KCNJ16: variants seen among roughly 807,000 people sequenced by gnomAD.
The protein encoded by KCNJ16 is potassium inwardly rectifying channel subfamily J member 16.
Under a neutral mutation model 18.5 loss-of-function variants are expected in KCNJ16, and 15 were observed. The ratio of observed to expected loss-of-function variants is 0.81; its 90% confidence interval spans 0.54 to 1.25. The LOEUF (loss-of-function observed/expected upper bound fraction) is 1.25, where lower values mean the gene tolerates loss of function less well. KCNJ16 is among the 50% of genes most tolerant of loss of function. The probability of loss-of-function intolerance (pLI) is 0.00; values close to 1 mark genes in which losing one functional copy is unlikely to be tolerated. For synonymous variants in KCNJ16, 174 were observed against 186.5 expected (o/e 0.93, Z 0.55); for missense variants, 523 against 525.7 (o/e 0.99, Z 0.05).
At chr17:70,111,270 A>G (rs2073173413) in intron 2 of KCNJ16, among the ~76,000 whole-genome samples, 1 of 152,164 alleles carries the variant, frequency 6.6e-6, no homozygotes, top group South Asian at 2.1e-4. Context: ...GCAAAACACA[A>G]AAGATATAAT....
rs2074103967 is a variant in KCNJ16, at chr17:70,132,737, G to C, written c.650G>C (p.Arg217Thr). ...AACCACGTGGTAGAAGGAACAGTTA[G>C]AGCCCAACTTCTCCGCTATACAGAA... ...RPNHVVEGTV[R>T]AQLLRYTEDS... The change falls in exon 4 of 4, where the codon AGA becomes ACA. Residue 217 changes from arginine to threonine, a missense_variant. Transcript: ENST00000392671. 2 of 1,613,920 alleles carry C rather than the reference G, an allele frequency of 1.2e-6. No homozygotes were observed. The highest frequency in any genetic ancestry group is 1.3e-5 in the African/African-American group (1 of 74,914).
chr17:70,112,854 G>T (rs1232456233), intron 2 of KCNJ16, among the ~76,000 whole-genome samples: 1 of 152,038 alleles, frequency 6.6e-6, no homozygotes, highest in African/African-American at 2.4e-5. Context: ...ACACATTCTT[G>T]GCTAAGAAAT....
chr17:70,132,897 A>G lies in KCNJ16; in HGVS notation c.810A>G (p.Ala270=). The change falls in exon 4 of 4, where the codon GCA becomes GCG. Residue 270 remains alanine (A), a synonymous_variant. Transcript: ENST00000392671. Reference sequence around the variant, plus strand: ...CTCTGTATGCCCTTGACCGCAAAGCAGTAGCCAAAGATAACTTTGAGATTT... The same window carrying G: ...CTCTGTATGCCCTTGACCGCAAAGCGGTAGCCAAAGATAACTTTGAGATTT... ...ESPLYALDRK[A]VAKDNFEILV... The G allele has an allele frequency of 6.2e-7, 1 of 1,614,224 alleles. No homozygotes were observed. The highest frequency in any genetic ancestry group is 8.5e-7 in the Non-Finnish European group (1 of 1,180,034).
intron 2 of KCNJ16, among the ~76,000 whole-genome samples, chr17:70,103,059 C>T (rs1008759060): frequency 1.3e-5 from 2 of 149,644 alleles, no homozygotes; most frequent in Non-Finnish European, 3.0e-5. Context: ...CTTAGGCACT[C>T]AAGTAGCTGG....
At chr17:70,083,590 T>C (rs1028702522) in intron 1 of KCNJ16, among the ~76,000 whole-genome samples, 1 of 152,080 alleles carries the variant, frequency 6.6e-6, no homozygotes, top group Non-Finnish European at 1.5e-5. Context: ...TTAGGAGTAA[T>C]AGGCTATACC....
At chr17:70,084,839 T>TAATAAA (rs1390157081) in intron 1 of KCNJ16, among the ~76,000 whole-genome samples, 3 of 152,156 alleles carry the variant, frequency 2.0e-5, no homozygotes, top group African/African-American at 7.2e-5. Flanking sequence ...ATAATAATAA[T>TAATAAA]AATAAAATTA....
chr17:70,108,042 A>G (rs1411020902), intron 2 of KCNJ16, among the ~76,000 whole-genome samples: 1 of 152,188 alleles, frequency 6.6e-6, no homozygotes, highest in African/African-American at 2.4e-5. Context: ...ACATCCCTGT[A>G]AAATTCATAA....
At chr17:70,096,369 T>A (rs1037736925) in intron 1 of KCNJ16, among the ~76,000 whole-genome samples, 2 of 152,224 alleles carry the variant, frequency 1.3e-5, no homozygotes, top group African/African-American at 4.8e-5. Context: ...CTGAGAAATA[T>A]GTGGTCTCTC....
intron 1 of KCNJ16, among the ~76,000 whole-genome samples, chr17:70,095,712 T>C (rs1348156051): frequency 1.3e-5 from 2 of 151,924 alleles, no homozygotes; most frequent in African/African-American, 2.4e-5. Flanking sequence ...ATCTTTTAAA[T>C]GGCAAGATTA....
Position 70,132,945 on chromosome 17 carries a change from T to C in KCNJ16, c.858T>C (p.Gly286=). ...FEILVTFIYT[G]DSTGTSHQSR... is the part of the protein sequence containing the mutation. The stretch of plus-strand genomic sequence containing the variant: ...TTTTGGTGACATTTATCTATACTGG[T>C]GATTCCACTGGAACATCTCACCAAT... Residue 286 remains glycine (G), a synonymous_variant, in exon 4 of 4, where the codon GGT becomes GGC. Transcript: ENST00000392671. The C allele has an allele frequency of 6.2e-7, 1 of 1,614,170 alleles. No individual in the cohort carries two copies. The highest frequency in any genetic ancestry group is 2.2e-5 in the East Asian group (1 of 44,882).
intron 3 of KCNJ16, 79 bp from the exon 4 acceptor site, chr17:70,131,916 C>T (rs1358286690): frequency 7.8e-7 from 1 of 1,287,778 alleles, no homozygotes; most frequent in Non-Finnish European, 1.1e-6. Context: ...TGGTATGACA[C>T]TGCTCCAAAT....
intron 1 of KCNJ16, among the ~76,000 whole-genome samples, chr17:70,095,509 C>A (rs1484834542): frequency 6.6e-6 from 1 of 152,206 alleles, no homozygotes; most frequent in Non-Finnish European, 1.5e-5. Flanking sequence ...AGCTTTTGAT[C>A]AGGGCAAACG....
chr17:70,088,208 G>C (rs1044269652), intron 1 of KCNJ16, among the ~76,000 whole-genome samples: 3 of 152,074 alleles, frequency 2.0e-5, no homozygotes, highest in African/African-American at 7.2e-5. Flanking sequence ...TGTAGAAGAC[G>C]ATTTTTTTCA....
chr17:70,082,834 A>G lies in KCNJ16; in HGVS notation c.-300+7444A>G, dbSNP rs887470485. ...ATAAGTAAGGTAGACTAAAAAAGGCATTTGTGGATCAGCAGAAAGAACACT... is the reference window on the plus strand; with the variant it reads ...ATAAGTAAGGTAGACTAAAAAAGGCGTTTGTGGATCAGCAGAAAGAACACT... On this transcript the variant is annotated intron_variant, in intron 1 of 3. Transcript: ENST00000392671. 1.1e-4 allele frequency among the ~76,000 whole-genome samples: 17 copies of G among 152,292 alleles called. No individual in the cohort carries two copies. In the East Asian group the frequency reaches 1.9e-3, roughly 17 times the overall value.
intron 1 of KCNJ16, among the ~76,000 whole-genome samples, chr17:70,089,334 T>C (rs1232613281): frequency 1.3e-5 from 2 of 152,166 alleles, no homozygotes; most frequent in Non-Finnish European, 2.9e-5. Flanking sequence ...GCCCCGTAAG[T>C]TTTTATTTTT....
intron 2 of KCNJ16, among the ~76,000 whole-genome samples, chr17:70,129,566 G>A (rs537555128): frequency 3.3e-5 from 5 of 152,242 alleles, no homozygotes; most frequent in African/African-American, 1.2e-4. Flanking sequence ...TATTTATATC[G>A]TTGGAGAGTC....
chr17:70,122,023 G>A (rs537075027), intron 2 of KCNJ16, among the ~76,000 whole-genome samples: 1 of 152,264 alleles, frequency 6.6e-6, no homozygotes, highest in East Asian at 1.9e-4. Flanking sequence ...CTCTTAGGAA[G>A]TTGTTGCCAT....
chr17:70,077,371 T>C (rs184059778), intron 1 of KCNJ16, among the ~76,000 whole-genome samples: 87 of 152,204 alleles, frequency 5.7e-4, no homozygotes, highest in Middle Eastern at 3.4e-3. Flanking sequence ...AAAATATAGA[T>C]GTGAGAATGA....
chr17:70,116,382 C>T (rs1438581510), intron 2 of KCNJ16, among the ~76,000 whole-genome samples: 1 of 151,992 alleles, frequency 6.6e-6, no homozygotes, highest in Non-Finnish European at 1.5e-5. Flanking sequence ...TACAAATAGC[C>T]CTCCAATGTA....
Sources: gnomAD v4.1 joint callset for allele counts (sites outside exome capture counted in the v4.1 genomes callset) on GRCh38, gnomAD v4.1.1 for gene constraint, MANE v1.5 for transcripts, NCBI Gene and HGNC (gene_info 2026-07-23, HGNC 2026-07-21) for gene names.